NEGR1: variants seen among roughly 807,000 people sequenced by gnomAD.
NEGR1 encodes the protein IgLON family member 4.
In NEGR1, 10 loss-of-function variants were observed where a neutral mutation model predicts 40.9. The observed-to-expected ratio is 0.24, with a 90% CI of 0.15 to 0.42. NEGR1 has a LOEUF of 0.42. Among genes scored for constraint, NEGR1 ranks in the 10% least tolerant of loss-of-function variants. The pLI is 1.00. For missense variants in NEGR1, 352 were observed against 438.9 expected (o/e 0.80, Z 1.77); for synonymous variants, 185 against 166.8 (o/e 1.11, Z -0.84).
At chr1:71,513,145 C>A (rs544405359) in intron 6 of NEGR1, among the ~76,000 whole-genome samples, 51 of 150,090 alleles carry the variant, frequency 3.4e-4, no homozygotes, top group African/African-American at 1.2e-3. Context: ...AATTTTATTA[C>A]CTTATAATTA....
At chr1:71,426,603 G>A (rs1256122812) in intron 6 of NEGR1, among the ~76,000 whole-genome samples, 1 of 152,162 alleles carries the variant, frequency 6.6e-6, no homozygotes, top group Non-Finnish European at 1.5e-5. Flanking sequence ...CTGTAAGCAA[G>A]CAGAAAATTA....
chr1:71,581,611 G>T (rs924075209), intron 6 of NEGR1, among the ~76,000 whole-genome samples: 4 of 151,884 alleles, frequency 2.6e-5, no homozygotes, highest in African/African-American at 4.8e-5. Flanking sequence ...ATCAGTGAAA[G>T]AATCTGTGAG....
intron 1 of NEGR1, among the ~76,000 whole-genome samples, chr1:72,128,892 GA>G (rs760220394): frequency 4.6e-5 from 7 of 151,974 alleles, no homozygotes; most frequent in Non-Finnish European, 1.0e-4. Flanking sequence ...AGCCTAAATG[GA>G]ACAAAAAAGA....
At chr1:72,031,158 G>A (rs1004174969) in intron 1 of NEGR1, among the ~76,000 whole-genome samples, 3 of 152,288 alleles carry the variant, frequency 2.0e-5, no homozygotes, top group South Asian at 2.1e-4. Flanking sequence ...TTATGCAGCC[G>A]CAGAAGAGGT....
intron 1 of NEGR1, among the ~76,000 whole-genome samples, chr1:72,209,766 C>T (rs1653533071): frequency 6.6e-6 from 1 of 151,810 alleles, no homozygotes; most frequent in Non-Finnish European, 1.5e-5. Flanking sequence ...TAATCTACCA[C>T]AGTTTATCTG....
Position 71,492,859 on chromosome 1 carries a change from A to G in NEGR1, c.941-85289T>C, listed in dbSNP as rs184819605. On this transcript the variant is annotated intron_variant, in intron 6 of 6. Transcript: ENST00000357731. ...AAACGAAAGTAGCTTGCCTCTCACCATAGTCTGTAAGGCATCCCCTATTGG... is the reference window on the plus strand; with the variant it reads ...AAACGAAAGTAGCTTGCCTCTCACCGTAGTCTGTAAGGCATCCCCTATTGG... Among the ~76,000 whole-genome samples the G allele has an allele frequency of 4.9e-4, 75 of 152,236 alleles. 1 individual carries two copies. In the South Asian group the frequency reaches 9.9e-3, roughly 20 times the overall value.
intron 3 of NEGR1, among the ~76,000 whole-genome samples, chr1:71,758,942 A>G (rs1218624512): frequency 6.6e-6 from 1 of 152,178 alleles, no homozygotes; most frequent in Non-Finnish European, 1.5e-5. Flanking sequence ...ACCTCCATTG[A>G]CTATGGGGTT....
At chr1:71,999,682 T>A in intron 1 of NEGR1, among the ~76,000 whole-genome samples, 1 of 91,720 alleles carries the variant, frequency 1.1e-5, no homozygotes, top group African/African-American at 4.3e-5. Flanking sequence ...TATATATACA[T>A]ACATATTTTT....
At chr1:71,864,820 A>G (rs1660066065) in intron 2 of NEGR1, among the ~76,000 whole-genome samples, 1 of 152,206 alleles carries the variant, frequency 6.6e-6, no homozygotes, top group Non-Finnish European at 1.5e-5. Context: ...TGAAGGACAT[A>G]AATATTATTA....
intron 6 of NEGR1, among the ~76,000 whole-genome samples, chr1:71,471,352 A>G (rs1198586682): frequency 6.6e-6 from 1 of 152,118 alleles, no homozygotes; most frequent in African/African-American, 2.4e-5. Flanking sequence ...ATTCTAACCA[A>G]GTCCCACATT....
intron 3 of NEGR1, among the ~76,000 whole-genome samples, chr1:71,765,382 T>C (rs1656085475): frequency 6.6e-6 from 1 of 152,132 alleles, no homozygotes; most frequent in Admixed American, 6.5e-5. Context: ...AGAAAAACTT[T>C]CCAAGAGTTT....
intron 6 of NEGR1, among the ~76,000 whole-genome samples, chr1:71,462,594 A>G (rs1272327403): frequency 1.3e-5 from 2 of 152,118 alleles, no homozygotes; most frequent in Admixed American, 1.3e-4. Context: ...TTTTGTACTA[A>G]AAGCCAGTGA....
At chr1:71,461,654 A>G (rs1038623752) in intron 6 of NEGR1, 1 of 152,160 alleles carries the variant, frequency 6.6e-6, no homozygotes, top group African/African-American at 2.4e-5. Context: ...AATCTCAGAC[A>G]TGTGCCCAAT....
intron 2 of NEGR1, among the ~76,000 whole-genome samples, chr1:71,878,862 T>G (rs2101840686): frequency 6.6e-6 from 1 of 152,264 alleles, no homozygotes; most frequent in South Asian, 2.1e-4. Context: ...GTTGATGAAA[T>G]AAATAACTGT....
intron 1 of NEGR1, among the ~76,000 whole-genome samples, chr1:71,992,131 C>T (rs1293417687): frequency 6.6e-6 from 1 of 151,984 alleles, no homozygotes; most frequent in Non-Finnish European, 1.5e-5. Flanking sequence ...TCATAGTCTA[C>T]TACCAATATA....
chr1:72,190,976 C>T (rs1337888385), intron 1 of NEGR1, among the ~76,000 whole-genome samples: 1 of 151,256 alleles, frequency 6.6e-6, no homozygotes, highest in Non-Finnish European at 1.5e-5. Context: ...TGTCATTTTG[C>T]TGGTTTTTGA....
chr1:71,818,883 C>T (rs1658322158), intron 2 of NEGR1, among the ~76,000 whole-genome samples: 1 of 151,932 alleles, frequency 6.6e-6, no homozygotes, highest in Non-Finnish European at 1.5e-5. Context: ...TTTTGCTTTA[C>T]ATTTTAACAT....
intron 2 of NEGR1, among the ~76,000 whole-genome samples, chr1:71,865,033 C>G (rs1450393135): frequency 2.0e-5 from 3 of 152,096 alleles, no homozygotes; most frequent in Non-Finnish European, 4.4e-5. Context: ...CAGTTTCTAA[C>G]AAGTTTTTCA....
intron 3 of NEGR1, among the ~76,000 whole-genome samples, chr1:71,767,768 C>T (rs965840307): frequency 6.6e-6 from 1 of 152,202 alleles, no homozygotes; most frequent in East Asian, 1.9e-4. Context: ...TGGAGGCCTA[C>T]CAAGGAAGAA....
Sources: allele counts gnomAD v4.1 joint callset (sites outside exome capture counted in the v4.1 genomes callset), GRCh38; gene constraint gnomAD v4.1.1; transcripts MANE v1.5; gene names NCBI Gene and HGNC (gene_info 2026-07-23, HGNC 2026-07-21).